Variants in ABLIM1 observed in about 807,000 individuals in gnomAD.
ABLIM1 encodes the protein actin-binding LIM protein 1.
Under a neutral mutation model 107.0 loss-of-function variants are expected in ABLIM1, and 40 were observed. The ratio of observed to expected loss-of-function variants is 0.37; its 90% CI spans 0.29 to 0.49. ABLIM1 has a LOEUF of 0.49. Among genes scored for constraint, ABLIM1 ranks in the 20% least tolerant of loss-of-function variants. The pLI, the probability that ABLIM1 is intolerant of heterozygous loss-of-function variation, is 0.97. For synonymous variants in ABLIM1, 357 were observed against 357.3 expected (o/e 1.00, Z 0.01); for missense variants, 857 against 1,008.5 (o/e 0.85, Z 2.04).
At chr10:114,659,809 C>T (rs571026854), upstream of ABLIM1, among the ~76,000 whole-genome samples, 10 of 152,288 alleles carry the variant, frequency 6.6e-5, no homozygotes, top group African/African-American at 1.9e-4. Context: ...GTGACTTTCT[C>T]AGGACAATGC....
At chr10:114,757,267 G>A (rs1200291400) in intron 1 of ABLIM1, among the ~76,000 whole-genome samples, 1 of 152,116 alleles carries the variant, frequency 6.6e-6, no homozygotes, top group Non-Finnish European at 1.5e-5. Context: ...AGCATCCTCT[G>A]GCACGAACAA....
chr10:114,658,741 T>C (rs1039419045), upstream of ABLIM1, among the ~76,000 whole-genome samples: 3 of 152,194 alleles, frequency 2.0e-5, no homozygotes, highest in Admixed American at 1.3e-4. Flanking sequence ...TCAGCCATAG[T>C]AAACGATCAT....
intron 6 of ABLIM1, among the ~76,000 whole-genome samples, chr10:114,496,442 T>C (rs1590437995): frequency 6.7e-6 from 1 of 149,818 alleles, no homozygotes; most frequent in East Asian, 2.0e-4. Context: ...AAGTGGGAGC[T>C]GAACAATGAG....
intron 1 of ABLIM1, among the ~76,000 whole-genome samples, chr10:114,642,039 T>C (rs1440292248): frequency 6.6e-6 from 1 of 152,074 alleles, no homozygotes; most frequent in Admixed American, 6.6e-5. Flanking sequence ...TGCACCACCA[T>C]ACCTGGCTGA....
intron 13 of ABLIM1, 99 bp from the exon 14 acceptor site, chr10:114,451,770 C>A: frequency 4.0e-6 from 4 of 990,516 alleles, no homozygotes; most frequent in East Asian, 2.5e-5. Context: ...AGATCTTGAA[C>A]AAAAACAACC....
chr10:114,668,825 T>C (rs2080132092), intron 1 of ABLIM1, among the ~76,000 whole-genome samples: 1 of 152,188 alleles, frequency 6.6e-6, no homozygotes, highest in Non-Finnish European at 1.5e-5. Context: ...CATGAAGTGG[T>C]GTCCAGCTGG....
intron 2 of ABLIM1, among the ~76,000 whole-genome samples, chr10:114,596,337 C>T (rs533476451): frequency 6.6e-6 from 1 of 152,310 alleles, no homozygotes; most frequent in Admixed American, 6.5e-5. Context: ...AGTTCCTTGA[C>T]AACCTGGTAT....
intron 1 of ABLIM1, among the ~76,000 whole-genome samples, chr10:114,674,088 G>A (rs774339429): frequency 1.3e-5 from 2 of 151,940 alleles, no homozygotes; most frequent in African/African-American, 2.4e-5. Context: ...TCAAGAGTTC[G>A]AGACCAGCCT....
At chr10:114,724,437 G>T (rs189014188) in intron 1 of ABLIM1, among the ~76,000 whole-genome samples, 2 of 151,970 alleles carry the variant, frequency 1.3e-5, no homozygotes, top group African/African-American at 4.8e-5. Context: ...AGGTAAACTC[G>T]GCCTCTCCTG....
intron 12 of ABLIM1, among the ~76,000 whole-genome samples, chr10:114,465,050 C>G (rs182559112): frequency 2.7e-4 from 41 of 152,260 alleles, no homozygotes; most frequent in African/African-American, 7.2e-4. Context: ...TTGTGGCATT[C>G]TCTACTGTAG....
At chr10:114,549,493 C>G (rs1338870401) in intron 4 of ABLIM1, among the ~76,000 whole-genome samples, 1 of 152,062 alleles carries the variant, frequency 6.6e-6, no homozygotes, top group Non-Finnish European at 1.5e-5. Flanking sequence ...CTCTGGCTTC[C>G]CTCTTGCTGC....
At chr10:114,599,118 G>T (rs1325645440) in intron 2 of ABLIM1, among the ~76,000 whole-genome samples, 1 of 152,186 alleles carries the variant, frequency 6.6e-6, no homozygotes, top group African/African-American at 2.4e-5. Context: ...AGTAGCCATT[G>T]CCAGATTAAG....
At chr10:114,718,058 A>AAAGGAAGAAAGAAAGAAAGGAAGGAAGG (rs1228422595) in intron 1 of ABLIM1, among the ~76,000 whole-genome samples, 1 of 59,682 alleles carries the variant, frequency 1.7e-5, no homozygotes, top group Non-Finnish European at 3.6e-5. Context: ...AGAAAGAAAG[A>AAAGGAAGAAAGAAAGAAAGGAAGGAAGG]AAGAAAGGAA....
At chr10:114,483,750 C>T (rs1187748948) in intron 8 of ABLIM1, among the ~76,000 whole-genome samples, 1 of 152,216 alleles carries the variant, frequency 6.6e-6, no homozygotes, top group African/African-American at 2.4e-5. Flanking sequence ...CTGACAGGCA[C>T]AGAATGTACA....
intron 4 of ABLIM1, among the ~76,000 whole-genome samples, chr10:114,567,035 C>T (rs1186708244): frequency 1.3e-5 from 2 of 152,178 alleles, no homozygotes; most frequent in Non-Finnish European, 1.5e-5. Context: ...GGCGACAGAG[C>T]GAGACTCTGT....
At chr10:114,623,605 C>CA (rs1181868083) in intron 1 of ABLIM1, among the ~76,000 whole-genome samples, 8 of 152,338 alleles carry the variant, frequency 5.3e-5, no homozygotes, top group African/African-American at 1.9e-4. Context: ...TGCACAGTGT[C>CA]AAAATGTGGT....
At chr10:114,445,856 G>C (rs1264773357) in intron 15 of ABLIM1, among the ~76,000 whole-genome samples, 1 of 152,106 alleles carries the variant, frequency 6.6e-6, no homozygotes, top group Non-Finnish European at 1.5e-5. Context: ...GTGCAGCCTC[G>C]ACCTCCAGGC....
chr10:114,798,201 A>AC, the ABLIM1 span, among the ~76,000 whole-genome samples: 10 of 150,828 alleles, frequency 6.6e-5, no homozygotes, highest in Non-Finnish European at 1.3e-4. Context: ...CAGGCAGATC[A>AC]CCTGAGGTCA....
At chr10:114,797,849 T>A in the ABLIM1 span, among the ~76,000 whole-genome samples, 1 of 152,218 alleles carries the variant, frequency 6.6e-6, no homozygotes, top group South Asian at 2.1e-4. Flanking sequence ...AATTCCTAAA[T>A]ATTCCACTCT....
Sources: allele counts gnomAD v4.1 joint callset (sites outside exome capture counted in the v4.1 genomes callset), GRCh38; gene constraint gnomAD v4.1.1; transcripts MANE v1.5; gene names NCBI Gene and HGNC (gene_info 2026-07-23, HGNC 2026-07-21).